The following FKBP1B variants were observed in gnomAD, a reference collection of about 807,000 sequenced individuals.
The protein encoded by FKBP1B is FKBP prolyl isomerase 1B, also known as peptidyl-prolyl cis-trans isomerase FKBP1B.
In FKBP1B, 4 loss-of-function variants were observed where a neutral mutation model predicts 13.5. The ratio of observed to expected loss-of-function variants is 0.30; its 90% CI spans 0.15 to 0.68. The LOEUF (loss-of-function observed/expected upper bound fraction) is 0.68. FKBP1B is among the 30% of genes least tolerant of loss of function. FKBP1B has a pLI of 0.76. For missense variants in FKBP1B, 93 were observed against 136.2 expected, an observed-to-expected ratio of 0.68 and a Z score of 1.58; for synonymous variants, 54 against 53.6, an observed-to-expected ratio of 1.01 and a Z score of -0.03.
chr2:24,059,062 G>A (rs1243668141), intron 2 of FKBP1B, among the ~76,000 whole-genome samples: 1 of 152,204 alleles, frequency 6.6e-6, no homozygotes, highest in African/African-American at 2.4e-5. Flanking sequence ...CTGAGGCCCT[G>A]GGAGAGGAAG....
chr2:24,058,876 G>C (rs1664252343), intron 2 of FKBP1B, among the ~76,000 whole-genome samples: 2 of 152,132 alleles, frequency 1.3e-5, no homozygotes, highest in South Asian at 2.1e-4. Flanking sequence ...TAGCCAGAAG[G>C]GTTTTCTTCT....
At chr2:24,049,525 G>T, upstream of FKBP1B, 1 of 290,826 alleles carries the variant, frequency 3.4e-6, no homozygotes, top group Non-Finnish European at 6.4e-6. Context: ...GCGAATGAAT[G>T]GATGGATGGA....
chr2:24,051,715 T>A (rs934644381), intron 1 of FKBP1B, among the ~76,000 whole-genome samples: 3 of 152,214 alleles, frequency 2.0e-5, no homozygotes, highest in African/African-American at 7.2e-5. Context: ...AAACTCTTAC[T>A]TGTCTTTCAA....
At chr2:24,044,793 T>C (rs1201919541), upstream of FKBP1B, among the ~76,000 whole-genome samples, 3 of 146,074 alleles carry the variant, frequency 2.1e-5, no homozygotes, top group Admixed American at 1.4e-4. Flanking sequence ...CTGCATACTA[T>C]GTGTTGTTGG....
At chr2:24,043,491 TAAAACAAAAC>T in the FKBP1B span, among the ~76,000 whole-genome samples, 10 of 151,136 alleles carry the variant, frequency 6.6e-5, no homozygotes, top group East Asian at 1.9e-3. Context: ...TGTCTCTACT[TAAAACAAAAC>T]AAAACAAAAC....
chr2:24,044,562 G>A, the FKBP1B span, among the ~76,000 whole-genome samples: 1 of 151,894 alleles, frequency 6.6e-6, no homozygotes, highest in Non-Finnish European at 1.5e-5. Context: ...CCACTGCATG[G>A]GCCAGTTTAC....
At position 24,060,928 on chromosome 2, in the gene FKBP1B, TAGGATG is replaced by T; in HGVS notation, c.198+8_198+13del. Reference sequence around the variant, plus strand: ...GGTTTTGAAGAGGGTGCAGCCCAGGTAGGATGAGGATTCGCATTAAAGGGGATCTGG... The same window carrying T: ...GGTTTTGAAGAGGGTGCAGCCCAGGTAGGATTCGCATTAAAGGGGATCTGG... On this transcript the variant is annotated splice_donor_5th_base_variant and intron_variant, in intron 3 of 3. Transcript: ENST00000380986. The T allele has an allele frequency of 1.2e-6, 2 of 1,610,928 alleles. No homozygotes were observed. Among genetic ancestry groups the T allele is most frequent in the Non-Finnish European group, 1.7e-6 (2 of 1,177,220 alleles).
the FKBP1B span, chr2:24,033,314 G>A: frequency 2.9e-6 from 1 of 339,946 alleles, no homozygotes; most frequent in Non-Finnish European, 6.0e-6. Context: ...TGGTTTATTA[G>A]GAAAAAAAAT....
upstream of FKBP1B, among the ~76,000 whole-genome samples, chr2:24,044,849 G>A (rs554279203): frequency 9.4e-5 from 14 of 149,102 alleles, no homozygotes; most frequent in South Asian, 4.2e-4. Flanking sequence ...AAAGCACAGC[G>A]GTGATCATTT....
Position 24,063,049 on chromosome 2 carries a change from C to T in FKBP1B, c.199-15C>T, listed in dbSNP as rs1392556794. On this transcript the variant is annotated splice_polypyrimidine_tract_variant and intron_variant, in intron 3 of 3. Coordinates refer to ENST00000380986, the MANE Select transcript of FKBP1B (RefSeq NM_004116.5). ...TCCTCTTTCTCCTCTCCCCATCTGC[C>T]CCCATCCCTGCTAGATGAGCTTGGG... 6.2e-7 allele frequency: 1 copy of T among 1,614,222 alleles called. No individual in the cohort carries two copies. Among genetic ancestry groups the T allele is most frequent in the Non-Finnish European group, 8.5e-7 (1 of 1,180,042 alleles).
chr2:24,040,608 A>G, the FKBP1B span, among the ~76,000 whole-genome samples: 10 of 152,220 alleles, frequency 6.6e-5, no homozygotes, highest in African/African-American at 2.4e-4. Flanking sequence ...CACATTCCCT[A>G]TTGCATTTTA....
At chr2:24,038,616 A>G in the FKBP1B span, 1 of 1,614,154 alleles carries the variant, frequency 6.2e-7, no homozygotes, top group Non-Finnish European at 8.5e-7. Flanking sequence ...CCTCAGACTT[A>G]TGTTGATTGA....
the FKBP1B span, among the ~76,000 whole-genome samples, chr2:24,042,723 T>A: frequency 2.4e-5 from 3 of 122,452 alleles, no homozygotes; most frequent in African/African-American, 6.5e-5. Flanking sequence ...AAAAAAAAAA[T>A]TTAGTATAAA....
intron 2 of FKBP1B, among the ~76,000 whole-genome samples, chr2:24,060,167 G>A (rs1275397294): frequency 2.0e-5 from 3 of 152,144 alleles, no homozygotes; most frequent in African/African-American, 7.2e-5. Context: ...ACAATGAAAT[G>A]GAGGCGAGTA....
chr2:24,053,326 C>T (rs1242052397), intron 1 of FKBP1B, among the ~76,000 whole-genome samples: 1 of 147,970 alleles, frequency 6.8e-6, no homozygotes, highest in African/African-American at 2.5e-5. Context: ...ATGGGGTCTC[C>T]CTATGTTACC....
Position 24,049,896 on chromosome 2 carries a change from TC to T in FKBP1B, c.37+13del. The stretch of plus-strand genomic sequence containing the variant: ...ATCTCCCCCGGAGACGGTACCGGGC[TC>T]CCTCCGGAGCCAGGGGAGGGGAGGG... On this transcript the variant is annotated intron_variant, in intron 1 of 3. Coordinates refer to ENST00000380986, the MANE Select transcript of FKBP1B (RefSeq NM_004116.5). The T allele has an allele frequency of 7.1e-7, 1 of 1,403,136 alleles. No homozygotes were observed. The highest frequency in any genetic ancestry group is 9.3e-7 in the Non-Finnish European group (1 of 1,077,090). 86.9% of individuals were successfully genotyped at this position (1,403,136 alleles called of 1,614,324 possible). A position where few individuals can be genotyped will look rare whatever the true frequency, so the allele number is the denominator to read the frequency against.
chr2:24,037,872 A>G, the FKBP1B span: 1 of 1,614,134 alleles, frequency 6.2e-7, no homozygotes. Flanking sequence ...TTTGAGGCAA[A>G]CGAGGAGGCT....
intron 2 of FKBP1B, among the ~76,000 whole-genome samples, chr2:24,058,491 T>C (rs912268413): frequency 1.3e-5 from 2 of 152,214 alleles, no homozygotes; most frequent in Non-Finnish European, 2.9e-5. Flanking sequence ...ACTGCATGGT[T>C]TTGGCTTAAC....
the FKBP1B span, among the ~76,000 whole-genome samples, chr2:24,042,722 A>T: frequency 3.3e-5 from 5 of 149,748 alleles, no homozygotes; most frequent in East Asian, 9.9e-4. Flanking sequence ...AAAAAAAAAA[A>T]TTTAGTATAA....
Sources: gnomAD v4.1 joint callset for allele counts (sites outside exome capture counted in the v4.1 genomes callset) on GRCh38, gnomAD v4.1.1 for gene constraint, MANE v1.5 for transcripts, NCBI Gene and HGNC (gene_info 2026-07-23, HGNC 2026-07-21) for gene names.